The following RAB38 variants were observed in gnomAD, a reference collection of about 807,000 sequenced individuals.
RAB38 encodes the protein RAB38, member RAS oncogene family, also known as ras-related protein Rab-38.
In RAB38, 15 loss-of-function variants were observed where a neutral mutation model predicts 18.4. The observed-to-expected ratio is 0.82, with a 90% CI of 0.55 to 1.26. The LOEUF (loss-of-function observed/expected upper bound fraction) is 1.26, where lower values mean the gene tolerates loss of function less well. Among genes scored for constraint, RAB38 ranks in the 50% most tolerant of loss-of-function variants. The pLI, the probability that RAB38 is intolerant of heterozygous loss-of-function variation, is 0.00. For missense variants in RAB38, 294 were observed against 267.4 expected (o/e 1.10, Z -0.69); for synonymous variants, 101 against 104.4 (o/e 0.97, Z 0.20).
At chr11:88,090,896 G>C in the RAB38 span, among the ~76,000 whole-genome samples, 1 of 151,998 alleles carries the variant, frequency 6.6e-6, no homozygotes, top group South Asian at 2.1e-4. Context: ...CATGACTCTG[G>C]CATCTCAGAG....
At chr11:88,022,041 A>G in the RAB38 span, among the ~76,000 whole-genome samples, 2,583 of 152,036 alleles carry the variant, frequency 0.017, 72 homozygotes, top group African/African-American at 0.06. Flanking sequence ...ATAAAGACAC[A>G]TCAAAAAAAG....
the RAB38 span, among the ~76,000 whole-genome samples, chr11:87,859,249 A>G: frequency 1.3e-5 from 2 of 152,148 alleles, no homozygotes; most frequent in East Asian, 3.9e-4. Context: ...GTCAATTACA[A>G]AGAAATAATT....
the RAB38 span, among the ~76,000 whole-genome samples, chr11:88,059,673 C>T: frequency 6.6e-6 from 1 of 152,190 alleles, no homozygotes; most frequent in African/African-American, 2.4e-5. Flanking sequence ...AGTGTTTGGT[C>T]CTGAGTCTGT....
chr11:88,170,473 T>C (rs928278712), intron 1 of RAB38, among the ~76,000 whole-genome samples: 2 of 152,208 alleles, frequency 1.3e-5, no homozygotes, highest in African/African-American at 4.8e-5. Context: ...CCGAATCCTA[T>C]CTTTGGTTGA....
chr11:88,080,768 A>G, the RAB38 span, among the ~76,000 whole-genome samples: 2 of 148,782 alleles, frequency 1.3e-5, no homozygotes, highest in African/African-American at 4.9e-5. Flanking sequence ...AATTAATAAA[A>G]TAACTTAATG....
chr11:87,926,938 A>G, the RAB38 span, among the ~76,000 whole-genome samples: 3 of 152,020 alleles, frequency 2.0e-5, no homozygotes, highest in African/African-American at 7.2e-5. Context: ...AGTGGAGGAG[A>G]TGGATCCAAC....
the RAB38 span, among the ~76,000 whole-genome samples, chr11:88,101,478 A>T: frequency 6.6e-6 from 1 of 151,926 alleles, no homozygotes. Flanking sequence ...CGCTGTATAA[A>T]AATATTTGAT....
chr11:88,142,979 T>C (rs1218755002), intron 2 of RAB38, among the ~76,000 whole-genome samples: 1 of 152,236 alleles, frequency 6.6e-6, no homozygotes, highest in Non-Finnish European at 1.5e-5. Context: ...CACATTTTAC[T>C]CATTTATCTA....
At chr11:88,115,292 C>T (rs1942534525) in intron 2 of RAB38, among the ~76,000 whole-genome samples, 1 of 152,182 alleles carries the variant, frequency 6.6e-6, no homozygotes, top group Non-Finnish European at 1.5e-5. Flanking sequence ...TGTTTTACTA[C>T]AGAACCTTGT....
the RAB38 span, among the ~76,000 whole-genome samples, chr11:87,857,904 C>T: frequency 3.9e-5 from 6 of 152,046 alleles, no homozygotes; most frequent in African/African-American, 1.2e-4. Flanking sequence ...TTTGTTGCCA[C>T]TGCTTTTGGT....
chr11:87,810,713 A>G, the RAB38 span, among the ~76,000 whole-genome samples: 1 of 152,122 alleles, frequency 6.6e-6, no homozygotes, highest in African/African-American at 2.4e-5. Context: ...TAGATAGCAA[A>G]TAGAGTCTAC....
chr11:87,953,539 CTCTT>C, the RAB38 span, among the ~76,000 whole-genome samples: 3 of 150,620 alleles, frequency 2.0e-5, no homozygotes, highest in South Asian at 4.2e-4. Flanking sequence ...AATGTGGGCT[CTCTT>C]TGTCTGTCCT....
At chr11:87,847,532 A>G in the RAB38 span, among the ~76,000 whole-genome samples, 1 of 151,862 alleles carries the variant, frequency 6.6e-6, no homozygotes, top group East Asian at 1.9e-4. Context: ...AAACAAAATA[A>G]CTCCTCTAGG....
At chr11:88,135,142 C>G (rs562010853) in intron 2 of RAB38, among the ~76,000 whole-genome samples, 137 of 152,256 alleles carry the variant, frequency 9.0e-4, no homozygotes, top group African/African-American at 3.3e-3. Context: ...GAAACCTTCC[C>G]CGGTCACCCT....
chr11:88,140,486 AC>A (rs1942897452), intron 2 of RAB38, among the ~76,000 whole-genome samples: 1 of 152,246 alleles, frequency 6.6e-6, no homozygotes, highest in Non-Finnish European at 1.5e-5. Flanking sequence ...CTCTCTGCAC[AC>A]AAGCCATTGT....
intron 1 of RAB38, among the ~76,000 whole-genome samples, chr11:88,169,644 T>C (rs1943285108): frequency 6.6e-6 from 1 of 152,194 alleles, no homozygotes; most frequent in African/African-American, 2.4e-5. Flanking sequence ...AAATTCTGTC[T>C]CAAGTTGTGC....
the RAB38 span, among the ~76,000 whole-genome samples, chr11:87,955,879 AC>A: frequency 1.1e-5 from 1 of 88,054 alleles, no homozygotes; most frequent in Non-Finnish European, 2.5e-5. Flanking sequence ...GTATGCACAC[AC>A]ACACACACAC....
the RAB38 span, among the ~76,000 whole-genome samples, chr11:87,824,827 G>C: frequency 6.6e-6 from 1 of 152,060 alleles, no homozygotes; most frequent in African/African-American, 2.4e-5. Context: ...TGTGAAAAAA[G>C]AAAGTTAAAC....
chr11:88,026,928 T>C, the RAB38 span, among the ~76,000 whole-genome samples: 3 of 152,188 alleles, frequency 2.0e-5, no homozygotes, highest in Non-Finnish European at 2.9e-5. Context: ...TGAGACATTT[T>C]ACATAATTGG....
Sources: gnomAD v4.1 joint callset for allele counts (sites outside exome capture counted in the v4.1 genomes callset) on GRCh38, gnomAD v4.1.1 for gene constraint, MANE v1.5 for transcripts, NCBI Gene and HGNC (gene_info 2026-07-23, HGNC 2026-07-21) for gene names.